RNF168: variants seen among roughly 807,000 people sequenced by gnomAD.
The protein encoded by RNF168 is ring finger protein 168.
A neutral mutation model predicts 34.9 loss-of-function variants in RNF168; 34 were observed. That is an observed-to-expected ratio of 0.97 (90% CI 0.74 to 1.30). The LOEUF is 1.30. Among genes scored for constraint, RNF168 ranks in the 50% most tolerant of loss-of-function variants. The probability of loss-of-function intolerance (pLI) is 0.00; values close to 1 mark genes in which losing one functional copy is unlikely to be tolerated. For synonymous variants in RNF168, 264 were observed against 254.7 expected, an observed-to-expected ratio of 1.04 and a Z score of -0.35; for missense variants, 725 against 682.5, an observed-to-expected ratio of 1.06 and a Z score of -0.69.
In RNF168 at chr3:196,487,532, C is replaced by G; in HGVS notation, c.425G>C (p.Ser142Thr). ...RASEEEENKASEEYIQRLLAE... is the reference protein window; with the variant it reads ...RASEEEENKATEEYIQRLLAE... ...CAACAACCTCTGTATGTATTCTTCA[C>G]TGGCTTTGTTTTCTTCTTCCTCGCT... Residue 142 changes from serine (S) to threonine (T), a missense_variant, in exon 3 of 6, where the codon AGT (serine) becomes ACT (threonine). Transcript: ENST00000318037. 1 of 1,614,188 alleles carries G rather than the reference C, an allele frequency of 6.2e-7. No homozygotes were observed. Among genetic ancestry groups the G allele is most frequent in the Non-Finnish European group, 8.5e-7 (1 of 1,180,020 alleles).
intron 4 of RNF168, among the ~76,000 whole-genome samples, chr3:196,481,961 GCTT>G (rs1577513158): frequency 4.5e-5 from 6 of 132,822 alleles, no homozygotes; most frequent in East Asian, 2.0e-4. Context: ...ACTGTCCCTG[GCTT>G]TTTTTTTTTT....
rs747535405 is a variant in RNF168, at chr3:196,503,179, T to C, written c.-6A>G. The C allele has an allele frequency of 1.2e-6, 2 of 1,613,264 alleles. No individual in the cohort carries two copies. The highest frequency in any genetic ancestry group is 1.7e-6 in the Non-Finnish European group (2 of 1,179,544). ...GCGTCTTTGGGTAGAGCCATTTCAA[T>C]ATGTTAGTAAAGCCGACTAAACAAC... On this transcript the variant is annotated 5_prime_UTR_variant, in exon 1 of 6. In the 5' UTR this introduces an upstream ATG that the reference lacks. Transcript: ENST00000318037.
intron 1 of RNF168, among the ~76,000 whole-genome samples, chr3:196,498,099 C>G (rs986484467): frequency 6.6e-6 from 1 of 152,142 alleles, no homozygotes. Context: ...CAACCAGAAC[C>G]TGTATGCTGT....
Position 196,493,839 on chromosome 3 carries a change from TTC to T in RNF168, c.302-5158_302-5157del, listed in dbSNP as rs202091962. Among the ~76,000 whole-genome samples, 1,318 of 150,614 alleles carry T rather than the reference TTC, an allele frequency of 8.8e-3. 11 individuals are homozygous for T. The highest frequency in any genetic ancestry group is 0.03 in the African/African-American group (1,202 of 40,450). On this transcript the variant is annotated intron_variant, in intron 1 of 5. Coordinates refer to ENST00000318037, the MANE Select transcript of RNF168 (RefSeq NM_152617.4). ...GCCCAGCCTTCCATTTGCTATTTCT[TTC>T]TTTTTTTAAATTTATTTTTTTTTTT...
At chr3:196,475,913 G>A (rs1395395052) in intron 4 of RNF168, among the ~76,000 whole-genome samples, 4 of 149,940 alleles carry the variant, frequency 2.7e-5, no homozygotes, top group African/African-American at 4.9e-5. Context: ...AGGCTGGAGT[G>A]CAGTGGCGCG....
intron 4 of RNF168, among the ~76,000 whole-genome samples, chr3:196,478,495 CG>C (rs1211917336): frequency 6.6e-6 from 1 of 152,128 alleles, no homozygotes; most frequent in African/African-American, 2.4e-5. Context: ...TGTGGCTCCA[CG>C]GGAGTCGCTC....
intron 1 of RNF168, among the ~76,000 whole-genome samples, chr3:196,495,915 C>T (rs908911582): frequency 2.0e-5 from 3 of 152,168 alleles, no homozygotes; most frequent in African/African-American, 7.2e-5. Flanking sequence ...TAAAACACAC[C>T]TGTCTCCGTC....
At chr3:196,489,004 G>A (rs949242127) in intron 1 of RNF168, among the ~76,000 whole-genome samples, 2 of 151,884 alleles carry the variant, frequency 1.3e-5, no homozygotes, top group Non-Finnish European at 2.9e-5. Context: ...ACAGGCATGC[G>A]CCACCACACC....
chr3:196,500,751 T>A (rs190962993), intron 1 of RNF168, among the ~76,000 whole-genome samples: 5 of 151,950 alleles, frequency 3.3e-5, no homozygotes, highest in Admixed American at 1.3e-4. Flanking sequence ...TCGCTCTGTC[T>A]CCCAGGCTGG....
chr3:196,503,241 C>T lies in RNF168; in HGVS notation c.-68G>A. The T allele has an allele frequency of 1.4e-6, 2 of 1,419,180 alleles. No individual in the cohort carries two copies. Among genetic ancestry groups the T allele is most frequent in the African/African-American group, 1.4e-5 (1 of 71,254 alleles). The allele number at this position is 1,419,180 out of a possible 1,614,324, so 87.9% of individuals were successfully genotyped here. On this transcript the variant is annotated 5_prime_UTR_variant, in exon 1 of 6. Coordinates refer to ENST00000318037, the MANE Select transcript of RNF168 (RefSeq NM_152617.4). ...GAAAAAGAATCCTATTTTCGGCCAA[C>T]CACAGAGAGAGCAAAAGCAGTTTTG...
At chr3:196,502,054 G>GAAAAAAAAAAAA (rs554041803) in intron 1 of RNF168, among the ~76,000 whole-genome samples, 28 of 50,062 alleles carry the variant, frequency 5.6e-4, no homozygotes, top group East Asian at 1.9e-3. Context: ...AAAAAAATTA[G>GAAAAAAAAAAAA]AAAAAAAAAA....
chr3:196,487,695 T>C (rs1045304867), intron 2 of RNF168, 117 bp from the exon 3 acceptor site: 1 of 950,026 alleles, frequency 1.1e-6, no homozygotes, highest in Non-Finnish European at 1.7e-6. Flanking sequence ...TTAAATGATC[T>C]CAAATGAAGT....
chr3:196,501,907 T>C (rs1029608288), intron 1 of RNF168, among the ~76,000 whole-genome samples: 2 of 151,906 alleles, frequency 1.3e-5, no homozygotes, highest in Non-Finnish European at 2.9e-5. Flanking sequence ...ACACTTTTAG[T>C]AGGTGAATTG....
intron 3 of RNF168, among the ~76,000 whole-genome samples, chr3:196,486,366 A>G (rs1016766013): frequency 2.0e-5 from 3 of 151,566 alleles, no homozygotes; most frequent in African/African-American, 7.3e-5. Flanking sequence ...TTTTTTTTTG[A>G]GATGGTCTTC....
In RNF168 at chr3:196,471,630, C is replaced by A; in HGVS notation, c.*189G>T. The A allele has an allele frequency of 3.4e-6, 2 of 590,232 alleles. No homozygotes were observed. The highest frequency in any genetic ancestry group is 3.0e-6 in the Non-Finnish European group (1 of 329,970). The allele number at this position is 590,232 out of a possible 1,614,324, so 36.6% of individuals were successfully genotyped here. On this transcript the variant is annotated 3_prime_UTR_variant, in exon 6 of 6. Coordinates refer to ENST00000318037, the MANE Select transcript of RNF168 (RefSeq NM_152617.4). ...ATTAAGAAGGGAAACGACAGGGGAC[C>A]CCTGCTTACCGCTGAGCTGTGCAGA... is the stretch of plus-strand genomic sequence containing the variant.
At chr3:196,473,936 G>A (rs891669682) in intron 5 of RNF168, among the ~76,000 whole-genome samples, 3 of 152,014 alleles carry the variant, frequency 2.0e-5, no homozygotes, top group Admixed American at 2.0e-4. Context: ...CAAGACCCCT[G>A]GAAGCTAGAC....
At chr3:196,475,746 T>C (rs1229048437) in intron 4 of RNF168, among the ~76,000 whole-genome samples, 2 of 150,896 alleles carry the variant, frequency 1.3e-5, no homozygotes, top group Non-Finnish European at 2.9e-5. Context: ...GAGACGAGGT[T>C]TCACCGTGTT....
Position 196,469,381 on chromosome 3 carries a change from G to A in RNF168, c.*2438C>T, listed in dbSNP as rs1731946978. The A allele has an allele frequency of 1.3e-5, 2 of 152,088 alleles. No homozygotes were observed. Among genetic ancestry groups the A allele is most frequent in the South Asian group, 4.1e-4 (2 of 4,832 alleles). The allele number at this position is 152,088 out of a possible 1,614,324, so 9.4% of individuals were successfully genotyped here. A position where few individuals can be genotyped will look rare whatever the true frequency, so the allele number is the denominator to read the frequency against. On this transcript the variant is annotated 3_prime_UTR_variant, in exon 6 of 6. Coordinates refer to ENST00000318037, the MANE Select transcript of RNF168 (RefSeq NM_152617.4). ...GCAAATTAAGTTTTAAATTAGCACA[G>A]AATTTATAATTACCCAATCAGCATT...
chr3:196,499,243 A>G (rs1732823459), intron 1 of RNF168, among the ~76,000 whole-genome samples: 2 of 152,056 alleles, frequency 1.3e-5, no homozygotes, highest in Admixed American at 1.3e-4. Flanking sequence ...CTACGTGCCA[A>G]TGGAGGCAGA....
Sources: gnomAD v4.1 joint callset for allele counts (sites outside exome capture counted in the v4.1 genomes callset) on GRCh38, gnomAD v4.1.1 for gene constraint, MANE v1.5 for transcripts, NCBI Gene and HGNC (gene_info 2026-07-23, HGNC 2026-07-21) for gene names.